The following RADIL variants were observed in gnomAD, a reference collection of about 807,000 sequenced individuals.
RADIL encodes the protein ras-associating and dilute domain-containing protein.
Under a neutral mutation model 97.6 loss-of-function variants are expected in RADIL, and 99 were observed. The observed-to-expected ratio is 1.01, with a 90% confidence interval of 0.86 to 1.20. The LOEUF (loss-of-function observed/expected upper bound fraction) is 1.20, where lower values mean the gene tolerates loss of function less well. Ranked by LOEUF, RADIL falls within the 50% of genes most tolerant of loss-of-function variation. The pLI is 0.00. For synonymous variants in RADIL, 803 were observed against 691.8 expected (o/e 1.16, Z -2.52); for missense variants, 1,765 against 1,498.9 (o/e 1.18, Z -2.93).
chr7:4,831,834 G>C (rs1341958254), intron 5 of RADIL, among the ~76,000 whole-genome samples: 2 of 152,144 alleles, frequency 1.3e-5, no homozygotes, highest in African/African-American at 4.8e-5. Flanking sequence ...GTTGCTGTGA[G>C]CAGAGATTGC....
At chr7:4,847,408 T>A (rs2115016882) in intron 2 of RADIL, among the ~76,000 whole-genome samples, 1 of 152,284 alleles carries the variant, frequency 6.6e-6, no homozygotes, top group South Asian at 2.1e-4. Context: ...AGTAAGATGG[T>A]GCAGCCATTG....
rs761912777 is a variant in RADIL at position 4,877,797 on chromosome 7, C to T, written c.343G>A (p.Val115Met). 13 of 1,611,194 alleles carry T rather than the reference C, an allele frequency of 8.1e-6. No homozygotes were observed. The highest frequency in any genetic ancestry group is 4.5e-5 in the East Asian group (2 of 44,884). Residue 115 changes from valine to methionine, a missense_variant, in exon 2 of 15, where the codon GTG (valine) becomes ATG (methionine). Physicochemically the swap from Val to Met is conservative, Grantham distance 21 (BLOSUM62 1). Transcript: ENST00000399583. ...CCAGCATCGCCGGCTTGGCCCACCACGTCACACAGCACGTACTGGCCGGCC... is the reference window on the plus strand; with the variant it reads ...CCAGCATCGCCGGCTTGGCCCACCATGTCACACAGCACGTACTGGCCGGCC... Reference protein sequence around the residue: ...RQAGQYVLCDVVGQAGDAGQR... With the variant: ...RQAGQYVLCDMVGQAGDAGQR...
Position 4,836,393 on chromosome 7 carries a change from G to T in RADIL, c.748C>A (p.His250Asn). The part of the protein sequence containing the change: ...AMRYSLYQSP[H>N]LLLLQGYSQQ... ...CTGTAGCCCTGCAGAAGGAGCAGATGCGGGGACTGGTACAGCGAGTACCGC... is the reference window on the plus strand; with the variant it reads ...CTGTAGCCCTGCAGAAGGAGCAGATTCGGGGACTGGTACAGCGAGTACCGC... Residue 250 changes from histidine to asparagine, a missense_variant, in exon 3 of 15, where the codon CAT becomes AAT. By Grantham distance (68) the His-to-Asn change is moderately conservative (BLOSUM62 1). Coordinates refer to ENST00000399583, the MANE Select transcript of RADIL (RefSeq NM_018059.5). 1 of 1,576,622 alleles carries T rather than the reference G, an allele frequency of 6.3e-7. No homozygotes were observed. Among genetic ancestry groups the T allele is most frequent in the Non-Finnish European group, 8.6e-7 (1 of 1,161,140 alleles).
intron 6 of RADIL, among the ~76,000 whole-genome samples, chr7:4,820,958 A>G (rs115036853): frequency 0.12 from 17,788 of 152,158 alleles, 1,157 homozygotes; most frequent in South Asian, 0.25. Context: ...AGCGCCCCCA[A>G]CACAGCCTGG....
intron 13 of RADIL, 70 bp downstream of exon 13, chr7:4,800,101 C>G (rs1480725596): frequency 2.6e-6 from 4 of 1,534,486 alleles, no homozygotes; most frequent in African/African-American, 1.4e-5. Context: ...CAAGCTGCGG[C>G]CAGGCTTGCA....
At chr7:4,851,911 G>T (rs1469306412) in intron 2 of RADIL, among the ~76,000 whole-genome samples, 5 of 152,202 alleles carry the variant, frequency 3.3e-5, no homozygotes, top group Non-Finnish European at 2.9e-5. Context: ...AGACCAAAAG[G>T]TCAGGGTACC....
In RADIL at chr7:4,813,074, T is replaced by TCTCTCTCTCTC. The variant is rs1562432542; in HGVS notation, c.2139+2203_2139+2204insGAGAGAGAGAG. Among the ~76,000 whole-genome samples, 536 of 147,762 alleles carry TCTCTCTCTCTC rather than the reference T, an allele frequency of 3.6e-3. 3 individuals carry two copies. The highest frequency in any genetic ancestry group is 0.021 in the Middle Eastern group (6 of 288). Reference sequence around the variant, plus strand: ...TTCATCCTTACCCCAAGGTTCTTCTTTCTCTCTCTCTCTCTCTCTCTCTCT... The same window carrying TCTCTCTCTCTC: ...TTCATCCTTACCCCAAGGTTCTTCTTCTCTCTCTCTCTCTCTCTCTCTCTCTCTCTCTCTCT... On this transcript the variant is annotated intron_variant, in intron 9 of 14. Coordinates refer to ENST00000399583, the MANE Select transcript of RADIL (RefSeq NM_018059.5). This position sits in a 1 kb window ranked among gnomAD's most constrained non-coding sequence, Gnocchi z 5.0.
Position 4,873,354 on chromosome 7 carries a change from T to C in RADIL, c.535+4251A>G, listed in dbSNP as rs1358589043. Among the ~76,000 whole-genome samples the C allele has an allele frequency of 2.6e-5, 4 of 152,112 alleles. No individual in the cohort carries two copies. In the East Asian group the frequency reaches 7.7e-4, roughly 29 times the overall value. ...ATGGTCACACATGCATGCACACACATGCACACCACACAGACACACACACAT... is the reference window on the plus strand; with the variant it reads ...ATGGTCACACATGCATGCACACACACGCACACCACACAGACACACACACAT... On this transcript the variant is annotated intron_variant, in intron 2 of 14. Transcript: ENST00000399583. The surrounding 1 kb of genome is among the most constrained non-coding windows in gnomAD (Gnocchi z 4.3).
intron 9 of RADIL, chr7:4,806,144 C>T: frequency 3.9e-5 from 32 of 828,680 alleles, no homozygotes; most frequent in Non-Finnish European, 4.5e-5. Flanking sequence ...GCAGGGAAAA[C>T]ATTTGTTTGT....
At position 4,861,589 on chromosome 7, in the gene RADIL, C is replaced by G. The variant is rs775880193; in HGVS notation, c.535+16016G>C. 65 of 1,611,778 alleles carry G rather than the reference C, an allele frequency of 4.0e-5. 1 individual carries two copies. The South Asian group carries it at 6.8e-4, about 17-fold the overall frequency. The stretch of plus-strand genomic sequence containing the variant: ...TTTCACTGATTTCGCGTATCCATTC[C>G]TTTACCAGATTATTTAATTTTTCCA... On this transcript the variant is annotated intron_variant, in intron 2 of 14. Transcript: ENST00000399583.
rs766871465 is a variant in RADIL at position 4,814,962 on chromosome 7, C to G, written c.2139+316G>C. Among the ~76,000 whole-genome samples the G allele has an allele frequency of 6.6e-6, 1 of 152,176 alleles. No individual in the cohort carries two copies. Among genetic ancestry groups the G allele is most frequent in the Non-Finnish European group, 1.5e-5 (1 of 68,036 alleles). ...GACTTGTCTGAGTGGACTGGGCCAC[C>G]CGGATACCCAGGTCATCTCCGAATC... is the stretch of plus-strand genomic sequence containing the variant. On this transcript the variant is annotated intron_variant, in intron 9 of 14. Coordinates refer to ENST00000399583, the MANE Select transcript of RADIL (RefSeq NM_018059.5). This position sits in a 1 kb window ranked among gnomAD's most constrained non-coding sequence, Gnocchi z 4.5.
At position 4,814,719 on chromosome 7, in the gene RADIL, C is replaced by T. The variant is rs1175075477; in HGVS notation, c.2139+559G>A. On this transcript the variant is annotated intron_variant, in intron 9 of 14. Coordinates refer to ENST00000399583, the MANE Select transcript of RADIL (RefSeq NM_018059.5). This position sits in a 1 kb window ranked among gnomAD's most constrained non-coding sequence, Gnocchi z 4.5. Reference sequence around the variant, plus strand: ...GCTCAGCCGGGTCTCACAGAGCTGACAGCAAGATGAAGCCCCCGGGGGAGG... The same window carrying T: ...GCTCAGCCGGGTCTCACAGAGCTGATAGCAAGATGAAGCCCCCGGGGGAGG... Among the ~76,000 whole-genome samples, 2 of 152,200 alleles carry T rather than the reference C, an allele frequency of 1.3e-5. No homozygotes were observed. The highest frequency in any genetic ancestry group is 2.1e-4 in the South Asian group (1 of 4,828).
chr7:4,807,026 G>A (rs1432152288), intron 9 of RADIL, among the ~76,000 whole-genome samples: 1 of 152,126 alleles, frequency 6.6e-6, no homozygotes, highest in Non-Finnish European at 1.5e-5. Flanking sequence ...GCGTGGCTCT[G>A]GAGACTGCCT....
In RADIL at chr7:4,877,888, G is replaced by A. The variant is rs373825015; in HGVS notation, c.252C>T (p.Thr84=). 1.5e-4 allele frequency: 240 copies of A among 1,605,266 alleles called. No individual in the cohort carries two copies. The highest frequency in any genetic ancestry group is 1.9e-4 in the Non-Finnish European group (220 of 1,179,980). The change falls in exon 2 of 15, where the codon ACC becomes ACT. Residue 84 remains threonine (T), a synonymous_variant. Transcript: ENST00000399583. ...TGTHYKSVLA[T]GTSSARELVK... ...CCAGCTCACGGGCGCTGGAGGTGCC[G>A]GTGGCCAGGACGCTCTTGTAGTGGG... is the stretch of plus-strand genomic sequence containing the variant.
intron 2 of RADIL, among the ~76,000 whole-genome samples, chr7:4,862,915 T>A (rs9801478): frequency 0.27 from 41,010 of 150,794 alleles, 5,731 homozygotes; most frequent in South Asian, 0.37. Flanking sequence ...AAAATAAAAT[T>A]AAAAATAAAA....
intron 2 of RADIL, chr7:4,860,560 C>T (rs1206698951): frequency 6.2e-7 from 1 of 1,614,192 alleles, no homozygotes; most frequent in Non-Finnish European, 8.5e-7. Context: ...ACTGTGGATT[C>T]ACATGTGCCA....
Position 4,797,875 on chromosome 7 carries a change from G to A in RADIL, c.*1503C>T, listed in dbSNP as rs1781964329. On this transcript the variant is annotated 3_prime_UTR_variant, in exon 15 of 15. Coordinates refer to ENST00000399583, the MANE Select transcript of RADIL (RefSeq NM_018059.5). ...CGCCTGTAATCCCAGCTACTCAGGA[G>A]ACTGAGGAGAATTGCTTGAACCTGG... The A allele has an allele frequency of 6.6e-6, 1 of 152,088 alleles. No individual in the cohort carries two copies. Among genetic ancestry groups the A allele is most frequent in the African/African-American group, 2.4e-5 (1 of 41,400 alleles). The allele number at this position is 152,088 out of a possible 1,614,324, so 9.4% of individuals were successfully genotyped here. A position where few individuals can be genotyped will look rare whatever the true frequency, so the allele number is the denominator to read the frequency against.
At chr7:4,860,300 T>C in intron 2 of RADIL, 1 of 1,614,012 alleles carries the variant, frequency 6.2e-7, no homozygotes, top group South Asian at 1.1e-5. Context: ...TTTCTTGTCC[T>C]GAAGCACATG....
intron 5 of RADIL, 95 bp downstream of exon 5, chr7:4,832,046 C>A (rs550262488): frequency 4.5e-6 from 6 of 1,333,034 alleles, no homozygotes; most frequent in Non-Finnish European, 6.3e-6. Flanking sequence ...GACCCCAAGG[C>A]GTGGGGAGAC....
Sources: gnomAD v4.1 joint callset for allele counts (sites outside exome capture counted in the v4.1 genomes callset) on GRCh38, gnomAD v4.1.1 for gene constraint, Gnocchi (gnomAD v3.1) non-coding constraint, MANE v1.5 for transcripts, NCBI Gene and HGNC (gene_info 2026-07-23, HGNC 2026-07-21) for gene names.